Variants in GMDS observed in about 807,000 individuals in gnomAD.
The protein encoded by GMDS is GDP-mannose 4,6-dehydratase.
In GMDS, 20 loss-of-function variants were observed where a neutral mutation model predicts 49.9. The observed-to-expected ratio is 0.40, with a 90% CI of 0.28 to 0.58. The LOEUF (loss-of-function observed/expected upper bound fraction) is 0.58, where lower values mean the gene tolerates loss of function less well. Among genes scored for constraint, GMDS ranks in the 20% least tolerant of loss-of-function variants. The probability of loss-of-function intolerance (pLI) is 0.42; values close to 1 mark genes in which losing one functional copy is unlikely to be tolerated. For missense variants in GMDS, 362 were observed against 481.4 expected (o/e 0.75, Z 2.32); for synonymous variants, 177 against 178.6 (o/e 0.99, Z 0.07).
chr6:1,853,318 A>G (rs369489503), intron 7 of GMDS, among the ~76,000 whole-genome samples: 3,461 of 150,312 alleles, frequency 0.023, 132 homozygotes, highest in African/African-American at 0.081. Context: ...GGAGATCGAG[A>G]CCATCCTGGC....
chr6:1,624,727 T>A (rs951489972), intron 9 of GMDS, 187 bp from the exon 10 acceptor site: 11 of 596,996 alleles, frequency 1.8e-5, no homozygotes, highest in Non-Finnish European at 2.7e-5. Flanking sequence ...TAGGTCGCGG[T>A]TAAGAATGTG....
At chr6:2,109,363 C>G (rs1240038669) in intron 4 of GMDS, among the ~76,000 whole-genome samples, 1 of 152,042 alleles carries the variant, frequency 6.6e-6, no homozygotes, top group Non-Finnish European at 1.5e-5. Flanking sequence ...TGCTTAAGTT[C>G]GAGTGTAGTT....
At chr6:1,861,491 C>T (rs915378561) in intron 7 of GMDS, among the ~76,000 whole-genome samples, 3 of 151,982 alleles carry the variant, frequency 2.0e-5, no homozygotes, top group Admixed American at 6.6e-5. Flanking sequence ...TCAGGAGAGG[C>T]TGTTCCAGTG....
intron 7 of GMDS, among the ~76,000 whole-genome samples, chr6:1,841,003 T>G (rs1161214074): frequency 6.6e-6 from 1 of 152,170 alleles, no homozygotes; most frequent in Non-Finnish European, 1.5e-5. Flanking sequence ...AGTCAAATTT[T>G]TTTCATGTTT....
At chr6:1,829,678 G>A (rs114813368) in intron 7 of GMDS, among the ~76,000 whole-genome samples, 2,473 of 152,324 alleles carry the variant, frequency 0.016, 32 homozygotes, top group Middle Eastern at 0.044. Context: ...GGGCTCAAGC[G>A]ATCCACCCTC....
intron 7 of GMDS, among the ~76,000 whole-genome samples, chr6:1,855,202 C>T (rs1191940341): frequency 6.6e-6 from 1 of 152,206 alleles, no homozygotes; most frequent in Non-Finnish European, 1.5e-5. Context: ...CCTGTATGAC[C>T]TGCTCTGGGA....
At chr6:1,662,353 A>T (rs1164377229) in intron 9 of GMDS, among the ~76,000 whole-genome samples, 1 of 152,190 alleles carries the variant, frequency 6.6e-6, no homozygotes, top group African/African-American at 2.4e-5. Flanking sequence ...GGAAACAGTG[A>T]CATGGCAGGA....
At chr6:2,018,350 C>T (rs1034372846) in intron 4 of GMDS, among the ~76,000 whole-genome samples, 3 of 152,148 alleles carry the variant, frequency 2.0e-5, no homozygotes, top group South Asian at 2.1e-4. Flanking sequence ...TAACATACCA[C>T]GTAATTCACC....
intron 7 of GMDS, among the ~76,000 whole-genome samples, chr6:1,905,481 G>A (rs572902734): frequency 1.6e-4 from 23 of 147,988 alleles, no homozygotes; most frequent in African/African-American, 5.6e-4. Flanking sequence ...GGCCTAAAAG[G>A]TGCCTGTGCA....
At chr6:2,037,953 C>A (rs906028752) in intron 4 of GMDS, among the ~76,000 whole-genome samples, 2 of 152,126 alleles carry the variant, frequency 1.3e-5, no homozygotes, top group Non-Finnish European at 2.9e-5. Flanking sequence ...ATGGTTGTTT[C>A]CAAAGATAAA....
intron 1 of GMDS, among the ~76,000 whole-genome samples, chr6:2,146,832 A>G (rs947496452): frequency 1.4e-4 from 21 of 152,182 alleles, no homozygotes; most frequent in African/African-American, 4.8e-4. Context: ...TTTTCCCCCT[A>G]AATGGAACAA....
At chr6:1,797,836 T>A (rs1769799001) in intron 7 of GMDS, among the ~76,000 whole-genome samples, 1 of 152,140 alleles carries the variant, frequency 6.6e-6, no homozygotes, top group African/African-American at 2.4e-5. Context: ...GCTTGGAGTG[T>A]CCTCTATAAT....
intron 7 of GMDS, among the ~76,000 whole-genome samples, chr6:1,856,746 G>A (rs1411754814): frequency 6.6e-6 from 1 of 152,164 alleles, no homozygotes; most frequent in Non-Finnish European, 1.5e-5. Flanking sequence ...AACTCTTTAG[G>A]CTGCGTAGTT....
intron 8 of GMDS, among the ~76,000 whole-genome samples, chr6:1,733,271 A>G (rs1766885052): frequency 6.6e-6 from 1 of 152,190 alleles, no homozygotes; most frequent in African/African-American, 2.4e-5. Context: ...CCCAGGGAGG[A>G]GGGCGGTCAG....
At chr6:1,720,041 C>A (rs925566111) in intron 9 of GMDS, among the ~76,000 whole-genome samples, 50 of 151,962 alleles carry the variant, frequency 3.3e-4, no homozygotes, top group Non-Finnish European at 4.7e-4. Context: ...AAGGATAAAT[C>A]AAAAAATATT....
chr6:1,850,343 G>A (rs1158708677), intron 7 of GMDS, among the ~76,000 whole-genome samples: 1 of 152,184 alleles, frequency 6.6e-6, no homozygotes, highest in Non-Finnish European at 1.5e-5. Flanking sequence ...GTTGTAGTGA[G>A]GCGCTTCTAC....
At chr6:1,805,929 T>C (rs975549242) in intron 7 of GMDS, among the ~76,000 whole-genome samples, 11 of 152,178 alleles carry the variant, frequency 7.2e-5, no homozygotes, top group African/African-American at 2.4e-4. Context: ...TCCTTCATTA[T>C]GAAACTTCAA....
At chr6:1,998,682 A>G in intron 4 of GMDS, among the ~76,000 whole-genome samples, 1 of 152,308 alleles carries the variant, frequency 6.6e-6, no homozygotes, top group East Asian at 1.9e-4. Context: ...TTTATAATGT[A>G]TTAGGTATTA....
intron 8 of GMDS, among the ~76,000 whole-genome samples, chr6:1,736,555 C>T (rs751272707): frequency 2.6e-5 from 4 of 152,112 alleles, no homozygotes; most frequent in Non-Finnish European, 5.9e-5. Context: ...TTTTGAGTGA[C>T]GATGAATGAA....
Sources: gnomAD v4.1 joint callset for allele counts (sites outside exome capture counted in the v4.1 genomes callset) on GRCh38, gnomAD v4.1.1 for gene constraint, MANE v1.5 for transcripts, NCBI Gene and HGNC (gene_info 2026-07-23, HGNC 2026-07-21) for gene names.